COLGALT1: variants seen among roughly 807,000 people sequenced by gnomAD.
The protein encoded by COLGALT1 is procollagen galactosyltransferase 1.
A neutral mutation model predicts 60.8 loss-of-function variants in COLGALT1; 43 were observed. That is an observed-to-expected ratio of 0.71 (90% confidence interval 0.55 to 0.91). The LOEUF is 0.91. Among genes scored for constraint, COLGALT1 ranks in the 40% least tolerant of loss-of-function variants. COLGALT1 has a pLI of 0.00. For missense variants in COLGALT1, 845 were observed against 880.0 expected (o/e 0.96, Z 0.50); for synonymous variants, 369 against 374.2 (o/e 0.99, Z 0.16).
chr19:17,559,355 G>A lies in COLGALT1; in HGVS notation c.305G>A (p.Arg102Gln), dbSNP rs972770752. ...ATGGATAACACGTCAACTGTGCTGC[G>A]GGAGTGGCTGGTGGCCGTGAAGAGT... ...HNMDNTSTVL[R>Q]EWLVAVKSLY... The change falls in exon 2 of 12, where the codon CGG (arginine) becomes CAG (glutamine). Residue 102 changes from arginine (R) to glutamine (Q), a missense_variant. Coordinates refer to ENST00000252599, the MANE Select transcript of COLGALT1 (RefSeq NM_024656.4). 1.2e-5 allele frequency: 19 copies of A among 1,552,474 alleles called. No homozygotes were observed. The highest frequency in any genetic ancestry group is 1.6e-5 in the Non-Finnish European group (18 of 1,147,522).
At chr19:17,570,097 G>A (rs1389243859) in intron 5 of COLGALT1, among the ~76,000 whole-genome samples, 1 of 151,514 alleles carries the variant, frequency 6.6e-6, no homozygotes, top group Non-Finnish European at 1.5e-5. Flanking sequence ...GTTTCACTGT[G>A]TTAGCCAGGA....
At chr19:17,570,414 A>C (rs2076305700) in intron 5 of COLGALT1, among the ~76,000 whole-genome samples, 1 of 151,786 alleles carries the variant, frequency 6.6e-6, no homozygotes, top group Non-Finnish European at 1.5e-5. Context: ...TAATTGAAAA[A>C]AAAAATGTTT....
chr19:17,570,182 C>T (rs1166358005), intron 5 of COLGALT1, among the ~76,000 whole-genome samples: 4 of 152,226 alleles, frequency 2.6e-5, no homozygotes, highest in Middle Eastern at 3.4e-3. Flanking sequence ...CGTGAGCCAC[C>T]GCGCCTGGCC....
chr19:17,572,697 G>C (rs950860058), intron 6 of COLGALT1, 95 bp downstream of exon 6: 14 of 1,542,910 alleles, frequency 9.1e-6, no homozygotes, highest in Non-Finnish European at 1.1e-5. Context: ...TGAGTGCCAG[G>C]CAGATGCAAG....
chr19:17,561,031 T>C (rs898825211), intron 3 of COLGALT1, among the ~76,000 whole-genome samples: 3 of 151,528 alleles, frequency 2.0e-5, no homozygotes, highest in Non-Finnish European at 4.4e-5. Context: ...ATGGTGAGAC[T>C]CCATCTCTAC....
At chr19:17,561,631 C>CAAAA (rs11332403) in intron 3 of COLGALT1, among the ~76,000 whole-genome samples, 181 of 72,680 alleles carry the variant, frequency 2.5e-3, no homozygotes, top group East Asian at 4.0e-3. Flanking sequence ...GACTCTGTCT[C>CAAAA]AAAAAAAAAA....
chr19:17,572,333 A>G (rs2076317721), intron 5 of COLGALT1, 150 bp from the exon 6 acceptor site: 25 of 1,083,630 alleles, frequency 2.3e-5, no homozygotes, highest in South Asian at 6.1e-5. Context: ...TTGTAGATAT[A>G]AGGTCTTGCT....
Position 17,567,549 on chromosome 19 carries a change from A to T in COLGALT1, c.624+9A>T. 1 of 1,610,968 alleles carries T rather than the reference A, an allele frequency of 6.2e-7. No individual in the cohort carries two copies. The highest frequency in any genetic ancestry group is 1.3e-5 in the African/African-American group (1 of 75,002). ...GTGGAATGACTTCCCAGGTAGAGTG[A>T]GGGCCTGGGGACTGTGGGGACTGGG... On this transcript the variant is annotated intron_variant, in intron 4 of 11. Coordinates refer to ENST00000252599, the MANE Select transcript of COLGALT1 (RefSeq NM_024656.4).
rs1348348040 is a variant in COLGALT1, at chr19:17,578,039, AC to A, written c.1218del (p.Lys407ArgfsTer8). Reference sequence around the variant, plus strand: ...GGACCCCTACCACGGCCGGCCCCTCACCAAGGGTGAGCTGGGCTGCTTCCTG... The same window carrying A: ...GGACCCCTACCACGGCCGGCCCCTCACAAGGGTGAGCTGGGCTGCTTCCTG... ...YRDPYHGRPLTKGELGCFLSH... is the reference protein window; with the variant it reads ...YRDPYHGRPLXKGELGCFLSH... On this transcript the variant is annotated frameshift_variant, in exon 9 of 12. Coordinates refer to ENST00000252599, the MANE Select transcript of COLGALT1 (RefSeq NM_024656.4). LOFTEE classifies it high-confidence loss of function. 1 of 1,611,492 alleles carries A rather than the reference AC, an allele frequency of 6.2e-7. No individual in the cohort carries two copies. The highest frequency in any genetic ancestry group is 1.7e-5 in the Admixed American group (1 of 59,726).
Position 17,580,855 on chromosome 19 carries a change from G to A in COLGALT1, c.1551G>A (p.Lys517=), listed in dbSNP as rs1373754376. The A allele has an allele frequency of 6.2e-7, 1 of 1,613,860 alleles. No individual in the cohort carries two copies. Among genetic ancestry groups the A allele is most frequent in the Non-Finnish European group, 8.5e-7 (1 of 1,180,020 alleles). ...TGCTGGCTGCTGAGCCGCTCTCCAA[G>A]ATGCTGCCTGTGGACGAGTTCCTGC... The part of the protein sequence containing the change: ...RKLLAAEPLS[K]MLPVDEFLPV... Residue 517 remains lysine (K), a synonymous_variant, in exon 11 of 12, where the codon AAG becomes AAA. Coordinates refer to ENST00000252599, the MANE Select transcript of COLGALT1 (RefSeq NM_024656.4).
At chr19:17,562,685 C>G (rs2076256299) in intron 3 of COLGALT1, among the ~76,000 whole-genome samples, 1 of 150,846 alleles carries the variant, frequency 6.6e-6, no homozygotes, top group Admixed American at 6.6e-5. Context: ...CACACACTAG[C>G]AGGAAGCTGG....
At chr19:17,557,865 A>G (rs1485395780) in intron 1 of COLGALT1, among the ~76,000 whole-genome samples, 1 of 151,396 alleles carries the variant, frequency 6.6e-6, no homozygotes, top group Non-Finnish European at 1.5e-5. Context: ...GCCTCCCAAC[A>G]TATTGGGATT....
chr19:17,575,498 G>T (rs867774800), intron 6 of COLGALT1, among the ~76,000 whole-genome samples: 1 of 152,134 alleles, frequency 6.6e-6, no homozygotes, highest in African/African-American at 2.4e-5. Context: ...ACCTGCCTCG[G>T]CCTCCCAAAG....
chr19:17,575,790 C>T (rs2076337282), intron 6 of COLGALT1, among the ~76,000 whole-genome samples: 2 of 152,142 alleles, frequency 1.3e-5, no homozygotes, highest in African/African-American at 4.8e-5. Flanking sequence ...CTGCCTCAGC[C>T]TCCCAAGGAG....
rs1290440605 is a variant in COLGALT1 at position 17,577,451 on chromosome 19, G to A, written c.1117G>A (p.Glu373Lys). Residue 373 changes from glutamate to lysine, a missense_variant, in exon 8 of 12, where the codon GAG (glutamate) becomes AAG (lysine). By Grantham distance (56) the Glu-to-Lys change is moderately conservative (BLOSUM62 1). Coordinates refer to ENST00000252599, the MANE Select transcript of COLGALT1 (RefSeq NM_024656.4). ...QAQEIECRLVEAVDGKAMNTS... is the reference protein window; with the variant it reads ...QAQEIECRLVKAVDGKAMNTS... ...ACAGGAGATCGAGTGCCGGCTGGTG[G>A]AGGCCGTGGACGGCAAGTGAGTCCG... The A allele has an allele frequency of 1.3e-6, 2 of 1,483,350 alleles. No homozygotes were observed. The highest frequency in any genetic ancestry group is 1.3e-5 in the South Asian group (1 of 79,206). 91.9% of individuals were successfully genotyped at this position (1,483,350 alleles called of 1,614,324 possible). A position where few individuals can be genotyped will look rare whatever the true frequency, so the allele number is the denominator to read the frequency against.
rs1026000317 is a variant in COLGALT1 at position 17,555,747 on chromosome 19, G to A, written c.34G>A (p.Gly12Arg). The change falls in exon 1 of 12, where the codon GGG becomes AGG. Residue 12 changes from glycine to arginine, a missense_variant. Coordinates refer to ENST00000252599, the MANE Select transcript of COLGALT1 (RefSeq NM_024656.4). ...AAAPRAGRRR[G>R]QPLLALLLLL... ...GGCCCCACGCGCGGGCCGGCGGCGC[G>A]GGCAGCCGCTCCTGGCGCTGCTGCT... 3.3e-6 allele frequency: 4 copies of A among 1,211,634 alleles called. No individual in the cohort carries two copies. Among genetic ancestry groups the A allele is most frequent in the Non-Finnish European group, 4.1e-6 (4 of 975,860 alleles). The allele number at this position is 1,211,634 out of a possible 1,614,324, so 75.1% of individuals were successfully genotyped here.
At chr19:17,556,861 T>C (rs2076215161) in intron 1 of COLGALT1, among the ~76,000 whole-genome samples, 1 of 152,148 alleles carries the variant, frequency 6.6e-6, no homozygotes, top group Non-Finnish European at 1.5e-5. Flanking sequence ...TGCAGTGACC[T>C]ATGATTGCAC....
In COLGALT1 at chr19:17,582,144, A is replaced by AG. The variant is rs2076387618; in HGVS notation, c.*701dup. 6.6e-6 allele frequency: 1 copy of AG among 152,366 alleles called. No individual in the cohort carries two copies. The highest frequency in any genetic ancestry group is 1.5e-5 in the Non-Finnish European group (1 of 68,236). 9.4% of individuals were successfully genotyped at this position (152,366 alleles called of 1,614,324 possible). A position where few individuals can be genotyped will look rare whatever the true frequency, so the allele number is the denominator to read the frequency against. ...GGCTGGTCTCGAACTCCTGACCTCA[A>AG]GTGATCTGCCCGCCTTGGCCACCCA... is the stretch of plus-strand genomic sequence containing the variant. On this transcript the variant is annotated 3_prime_UTR_variant, in exon 12 of 12. Transcript: ENST00000252599.
At chr19:17,578,571 C>G (rs546355840) in intron 9 of COLGALT1, among the ~76,000 whole-genome samples, 3 of 152,126 alleles carry the variant, frequency 2.0e-5, no homozygotes, top group Non-Finnish European at 4.4e-5. Flanking sequence ...CCATCAGGGC[C>G]GGGCATGGTG....
Sources: gnomAD v4.1 joint callset for allele counts (sites outside exome capture counted in the v4.1 genomes callset) on GRCh38, gnomAD v4.1.1 for gene constraint, MANE v1.5 for transcripts, NCBI Gene and HGNC (gene_info 2026-07-23, HGNC 2026-07-21) for gene names.